Variants in SLC18A1 observed in about 807,000 individuals in gnomAD.
SLC18A1 encodes chromaffin granule amine transporter.
Under a neutral mutation model 53.7 loss-of-function variants are expected in SLC18A1, and 69 were observed. That is an observed-to-expected ratio of 1.28 (90% CI 1.06 to 1.57). The LOEUF is 1.57. Ranked by LOEUF, SLC18A1 falls within the 40% of genes most tolerant of loss-of-function variation. The pLI is 0.00. For missense variants in SLC18A1, 932 were observed against 668.1 expected (o/e 1.40, Z -4.35); for synonymous variants, 320 against 248.1 (o/e 1.29, Z -2.72).
chr8:20,181,290 G>T (rs1176663131), intron 1 of SLC18A1, among the ~76,000 whole-genome samples: 3 of 152,106 alleles, frequency 2.0e-5, no homozygotes, highest in African/African-American at 7.2e-5. Context: ...TAATGGCTAG[G>T]TATAAATCCA....
intron 8 of SLC18A1, among the ~76,000 whole-genome samples, chr8:20,169,097 G>C (rs1328786949): frequency 6.6e-6 from 1 of 152,042 alleles, no homozygotes; most frequent in African/African-American, 2.4e-5. Flanking sequence ...GATCAAAATG[G>C]ACATCACCAC....
chr8:20,165,364 T>C (rs1481311631), intron 8 of SLC18A1, among the ~76,000 whole-genome samples: 1 of 152,088 alleles, frequency 6.6e-6, no homozygotes, highest in Non-Finnish European at 1.5e-5. Context: ...ATTCCAGCCA[T>C]GGTTCCTGCG....
chr8:20,151,503 T>C (rs1030707156), intron 10 of SLC18A1, among the ~76,000 whole-genome samples: 1 of 152,220 alleles, frequency 6.6e-6, no homozygotes, highest in African/African-American at 2.4e-5. Context: ...CTGAGAGGGA[T>C]CTTGGATTAA....
At chr8:20,164,725 C>G (rs1223924664) in intron 10 of SLC18A1, 144 bp downstream of exon 10, 1 of 623,140 alleles carries the variant, frequency 1.6e-6, no homozygotes, top group African/African-American at 1.8e-5. Flanking sequence ...GACCACACAC[C>G]CTCTTGGGCT....
chr8:20,161,575 A>G (rs528339632), intron 10 of SLC18A1, among the ~76,000 whole-genome samples: 1 of 152,286 alleles, frequency 6.6e-6, no homozygotes, highest in East Asian at 1.9e-4. Context: ...GGAGTCCTAG[A>G]ACCACTCTCC....
intron 10 of SLC18A1, among the ~76,000 whole-genome samples, chr8:20,163,996 T>C (rs1442196131): frequency 6.6e-6 from 1 of 152,198 alleles, no homozygotes; most frequent in Non-Finnish European, 1.5e-5. Context: ...TTAATCGTCA[T>C]GGTCAAAAGC....
intron 13 of SLC18A1, 114 bp from the exon 14 acceptor site, chr8:20,147,836 C>T: frequency 6.7e-7 from 1 of 1,499,678 alleles, no homozygotes; most frequent in Admixed American, 2.0e-5. Flanking sequence ...CTCGGACTAA[C>T]ACCTGTTCCA....
rs148870551 is a variant in SLC18A1 at position 20,147,636 on chromosome 8, C to T, written c.1297G>A (p.Ala433Thr). 62 of 1,613,966 alleles carry T rather than the reference C, an allele frequency of 3.8e-5. No individual in the cohort carries two copies. Among genetic ancestry groups the T allele is most frequent in the Middle Eastern group, 3.3e-4 (2 of 6,084 alleles). The change falls in exon 14 of 16, where the codon GCT becomes ACT. Residue 433 changes from alanine to threonine, a missense_variant. Transcript: ENST00000276373. ...AAGCCCATGCAAAAAGCCACATCAGCGATGGCGTAGACACTCCCATACACC... is the reference window on the plus strand; with the variant it reads ...AAGCCCATGCAAAAAGCCACATCAGTGATGGCGTAGACACTCCCATACACC... ...TSVYGSVYAI[A>T]DVAFCMGFAI...
Position 20,166,939 on chromosome 8 carries a change from C to T in SLC18A1, c.859-1832G>A, listed in dbSNP as rs542217537. Among the ~76,000 whole-genome samples the T allele has an allele frequency of 3.3e-5, 5 of 152,256 alleles. No homozygotes were observed. In the South Asian group the frequency reaches 1.0e-3, roughly 32 times the overall value. On this transcript the variant is annotated intron_variant, in intron 8 of 15. Transcript: ENST00000276373. ...GAGGACGCACTGAGAAGGTGGCTGT[C>T]TGCAAGCCAGGAAGAGAGGCCTCAC...
intron 6 of SLC18A1, 64 bp downstream of exon 6, chr8:20,172,972 C>A (rs149189752): frequency 1.7e-6 from 2 of 1,206,182 alleles, no homozygotes; most frequent in Non-Finnish European, 2.4e-6. Context: ...TTCTACACCT[C>A]GGGAACACCT....
intron 10 of SLC18A1, among the ~76,000 whole-genome samples, chr8:20,163,024 A>T (rs1047063577): frequency 6.6e-6 from 1 of 152,184 alleles, no homozygotes; most frequent in Admixed American, 6.5e-5. Context: ...ATAACAGAAT[A>T]CCAGAGTGCA....
chr8:20,164,753 C>T (rs1029181374), intron 10 of SLC18A1, 116 bp downstream of exon 10: 37 of 739,678 alleles, frequency 5.0e-5, no homozygotes, highest in Admixed American at 4.7e-4. Context: ...TGGGTGTGGA[C>T]GTGGGAGGTC....
At chr8:20,156,644 T>C (rs1400814329) in intron 10 of SLC18A1, among the ~76,000 whole-genome samples, 2 of 152,234 alleles carry the variant, frequency 1.3e-5, no homozygotes, top group East Asian at 3.8e-4. Flanking sequence ...CTTTTTCTCC[T>C]TGCTCTTCTT....
At chr8:20,159,634 CA>C (rs200123466) in intron 10 of SLC18A1, among the ~76,000 whole-genome samples, 509 of 81,182 alleles carry the variant, frequency 6.3e-3, no homozygotes, top group African/African-American at 9.9e-3. Context: ...TTGCAGCTGC[CA>C]AAAAAAAAAA....
chr8:20,174,748 G>T (rs112973004), intron 4 of SLC18A1, among the ~76,000 whole-genome samples: 56 of 152,254 alleles, frequency 3.7e-4, no homozygotes, highest in African/African-American at 1.3e-3. Context: ...TGAAATGAGG[G>T]ATGTCCATGA....
chr8:20,171,840 G>A (rs997131323), intron 6 of SLC18A1, among the ~76,000 whole-genome samples: 8 of 152,208 alleles, frequency 5.3e-5, no homozygotes, highest in Admixed American at 2.6e-4. Context: ...AGGCAGCCAC[G>A]AGGGCTTTGC....
In SLC18A1 at chr8:20,145,553, G is replaced by A. The variant is rs149808240; in HGVS notation, c.*210C>T. On this transcript the variant is annotated 3_prime_UTR_variant, in exon 16 of 16. Transcript: ENST00000276373. ...TCACTCTGTCTTCCCATAAAAGATGGGCCACTGCGGCACCAAGGCATAGAG... is the reference window on the plus strand; with the variant it reads ...TCACTCTGTCTTCCCATAAAAGATGAGCCACTGCGGCACCAAGGCATAGAG... 737 of 398,680 alleles carry A rather than the reference G, an allele frequency of 1.8e-3. 5 individuals carry two copies. The highest frequency in any genetic ancestry group is 0.014 in the African/African-American group (672 of 48,528). 24.7% of individuals were successfully genotyped at this position (398,680 alleles called of 1,614,324 possible). A position where few individuals can be genotyped will look rare whatever the true frequency, so the allele number is the denominator to read the frequency against.
In SLC18A1 at chr8:20,176,093, A is replaced by G. The variant is rs1228075912; in HGVS notation, c.548-1649T>C. 5.3e-5 allele frequency among the ~76,000 whole-genome samples: 8 copies of G among 152,222 alleles called. No homozygotes were observed. In the East Asian group the frequency reaches 1.5e-3, roughly 29 times the overall value. ...GGGTTGTTTGTCCCCACCAAATCTC[A>G]TGTTGAAATTTGATCCCCGGTGTTG... is the stretch of plus-strand genomic sequence containing the variant. On this transcript the variant is annotated intron_variant, in intron 4 of 15. Transcript: ENST00000276373.
At chr8:20,145,995 A>C in intron 15 of SLC18A1, 119 bp from the exon 16 acceptor site, 1 of 466,198 alleles carries the variant, frequency 2.1e-6, no homozygotes, top group Non-Finnish European at 3.8e-6. Context: ...GGCTCACTGC[A>C]AGCTCCGCCT....
Sources: gnomAD v4.1 joint callset for allele counts (sites outside exome capture counted in the v4.1 genomes callset) on GRCh38, gnomAD v4.1.1 for gene constraint, MANE v1.5 for transcripts, NCBI Gene and HGNC (gene_info 2026-07-23, HGNC 2026-07-21) for gene names.